DDR2: variants seen among roughly 807,000 people sequenced by gnomAD.
DDR2 encodes discoidin domain receptor tyrosine kinase 2.
DDR2 carries 27 observed loss-of-function variants against 94.9 expected under a neutral mutation model. That is an observed-to-expected ratio of 0.28 (90% CI 0.21 to 0.39). DDR2 has a LOEUF of 0.39. DDR2 is among the 10% of genes least tolerant of loss of function. DDR2 has a pLI of 1.00. For synonymous variants in DDR2, 382 were observed against 377.2 expected (o/e 1.01, Z -0.15); for missense variants, 783 against 1,076.0 (o/e 0.73, Z 3.81).
At chr1:162,744,774 C>T (rs1662770939) in intron 3 of DDR2, among the ~76,000 whole-genome samples, 1 of 150,978 alleles carries the variant, frequency 6.6e-6, no homozygotes, top group East Asian at 1.9e-4. Flanking sequence ...TGTGTTGTTT[C>T]CATGTCTTGG....
At chr1:162,660,761 G>A (rs553173005) in intron 2 of DDR2, among the ~76,000 whole-genome samples, 163 of 152,324 alleles carry the variant, frequency 1.1e-3, no homozygotes, top group African/African-American at 3.6e-3. Flanking sequence ...ACTGTGGCCT[G>A]CTGGTGGCAT....
chr1:162,783,637 A>G lies in DDR2; in HGVS notation c.*3391A>G, dbSNP rs533697181. ...GTAAAAGATAAATATGGATGGAGAA[A>G]GAAGAAATTCTGGATGATAGAGATG... is the stretch of plus-strand genomic sequence containing the variant. On this transcript the variant is annotated 3_prime_UTR_variant, in exon 18 of 18. Coordinates refer to ENST00000367921, the MANE Select transcript of DDR2 (RefSeq NM_006182.4). 1 of 152,352 alleles carries G rather than the reference A, an allele frequency of 6.6e-6. No homozygotes were observed. The highest frequency in any genetic ancestry group is 1.9e-4 in the East Asian group (1 of 5,186). The allele number at this position is 152,352 out of a possible 1,614,324, so 9.4% of individuals were successfully genotyped here.
At chr1:162,754,969 G>A (rs1663387131) in intron 5 of DDR2, 114 bp downstream of exon 5, 4 of 1,453,908 alleles carry the variant, frequency 2.8e-6, no homozygotes, top group Non-Finnish European at 3.8e-6. Context: ...GACCAGGCAT[G>A]CCCTTGTAAA....
chr1:162,653,864 T>C (rs1270389936), intron 1 of DDR2, among the ~76,000 whole-genome samples: 1 of 152,216 alleles, frequency 6.6e-6, no homozygotes, highest in African/African-American at 2.4e-5. Flanking sequence ...GGAGGAAAGT[T>C]GTGCTGAGAT....
At chr1:162,677,021 G>C (rs528874635) in intron 2 of DDR2, among the ~76,000 whole-genome samples, 15 of 147,082 alleles carry the variant, frequency 1.0e-4, no homozygotes, top group Non-Finnish European at 7.7e-5. Flanking sequence ...CTGTGCTCAC[G>C]GGGTTTTGGC....
Position 162,784,787 on chromosome 1 carries a change from T to C in DDR2, c.*4541T>C, listed in dbSNP as rs1648080211. The C allele has an allele frequency of 6.6e-6, 1 of 152,164 alleles. No individual in the cohort carries two copies. The highest frequency in any genetic ancestry group is 1.5e-5 in the Non-Finnish European group (1 of 68,026). 9.4% of individuals were successfully genotyped at this position (152,164 alleles called of 1,614,324 possible). ...AATAGTAGAGTGGCCTTACCCTAGATCCAGTTTTCCCCATTTATAACATTT... is the reference window on the plus strand; with the variant it reads ...AATAGTAGAGTGGCCTTACCCTAGACCCAGTTTTCCCCATTTATAACATTT... On this transcript the variant is annotated 3_prime_UTR_variant, in exon 18 of 18. Transcript: ENST00000367921.
At chr1:162,744,026 T>A (rs558410470) in intron 3 of DDR2, among the ~76,000 whole-genome samples, 32 of 152,232 alleles carry the variant, frequency 2.1e-4, no homozygotes, top group Non-Finnish European at 4.4e-4. Flanking sequence ...TTTATCCATG[T>A]TGTTGTAGCA....
At chr1:162,722,593 TCAA>T (rs1661472533) in intron 3 of DDR2, among the ~76,000 whole-genome samples, 1 of 152,184 alleles carries the variant, frequency 6.6e-6, no homozygotes, top group Non-Finnish European at 1.5e-5. Flanking sequence ...TTTATACAAA[TCAA>T]CAGATGATTG....
At chr1:162,779,186 T>C (rs1647758248) in intron 17 of DDR2, among the ~76,000 whole-genome samples, 1 of 152,182 alleles carries the variant, frequency 6.6e-6, no homozygotes, top group Non-Finnish European at 1.5e-5. Flanking sequence ...TGGGCAGATA[T>C]ATCCTAAACT....
At chr1:162,706,564 T>C (rs1294523707) in intron 2 of DDR2, among the ~76,000 whole-genome samples, 2 of 152,072 alleles carry the variant, frequency 1.3e-5, no homozygotes, top group Non-Finnish European at 2.9e-5. Context: ...GCTGGGAGGT[T>C]AGACCCAAGC....
chr1:162,751,327 A>G lies in DDR2; in HGVS notation c.83-1768A>G, dbSNP rs150774523. Among the ~76,000 whole-genome samples the G allele has an allele frequency of 9.5e-3, 1,443 of 152,236 alleles. 21 individuals carry two copies. The highest frequency in any genetic ancestry group is 0.033 in the African/African-American group (1,378 of 41,550). ...AAAAATCAAACAACCCCATCAAAAAATGGGCAAAGAATATGAATAGAAATG... is the reference window on the plus strand; with the variant it reads ...AAAAATCAAACAACCCCATCAAAAAGTGGGCAAAGAATATGAATAGAAATG... On this transcript the variant is annotated intron_variant, in intron 3 of 17. Coordinates refer to ENST00000367921, the MANE Select transcript of DDR2 (RefSeq NM_006182.4).
intron 3 of DDR2, among the ~76,000 whole-genome samples, chr1:162,727,009 A>G (rs1661704153): frequency 6.7e-6 from 1 of 148,778 alleles, no homozygotes; most frequent in Non-Finnish European, 1.5e-5. Context: ...GGAAAAGGAT[A>G]TGAAACAAAT....
intron 1 of DDR2, among the ~76,000 whole-genome samples, chr1:162,643,318 A>C (rs974737340): frequency 6.6e-6 from 1 of 152,106 alleles, no homozygotes; most frequent in Non-Finnish European, 1.5e-5. Flanking sequence ...TGAGTTGCCA[A>C]CATCTACAAA....
At chr1:162,656,023 A>G (rs564696464) in intron 2 of DDR2, among the ~76,000 whole-genome samples, 22 of 152,358 alleles carry the variant, frequency 1.4e-4, no homozygotes, top group African/African-American at 5.0e-4. Context: ...AACTTTTATT[A>G]GGAAACCATT....
intron 2 of DDR2, among the ~76,000 whole-genome samples, chr1:162,714,847 G>A (rs926473470): frequency 1.3e-5 from 2 of 152,168 alleles, no homozygotes; most frequent in Admixed American, 6.5e-5. Context: ...CTGAATGAAT[G>A]AATGAAGGCC....
chr1:162,717,284 C>G (rs992676392), intron 2 of DDR2, among the ~76,000 whole-genome samples: 7 of 152,298 alleles, frequency 4.6e-5, no homozygotes, highest in South Asian at 4.2e-4. Flanking sequence ...GATCCACCCG[C>G]CTCGGCCTTC....
intron 2 of DDR2, among the ~76,000 whole-genome samples, chr1:162,691,955 A>T (rs1659979390): frequency 6.6e-6 from 1 of 152,230 alleles, no homozygotes; most frequent in African/African-American, 2.4e-5. Context: ...CTGCAAACAA[A>T]GACAGGCAAG....
At chr1:162,722,022 G>A (rs193176632) in intron 3 of DDR2, among the ~76,000 whole-genome samples, 2 of 152,284 alleles carry the variant, frequency 1.3e-5, no homozygotes, top group East Asian at 3.9e-4. Context: ...AACATGATAT[G>A]ATATGAAATA....
At chr1:162,760,850 A>G (rs1310312283) in intron 8 of DDR2, among the ~76,000 whole-genome samples, 1 of 151,584 alleles carries the variant, frequency 6.6e-6, no homozygotes, top group East Asian at 1.9e-4. Context: ...AACTCTCTCG[A>G]GTCTATAATC....
Sources: gnomAD v4.1 joint callset for allele counts (sites outside exome capture counted in the v4.1 genomes callset) on GRCh38, gnomAD v4.1.1 for gene constraint, MANE v1.5 for transcripts, NCBI Gene and HGNC (gene_info 2026-07-23, HGNC 2026-07-21) for gene names.